Variants in ALDH7A1 observed in about 807,000 individuals in gnomAD.
The protein encoded by ALDH7A1 is aldehyde dehydrogenase 7 family member A1, also known as alpha-aminoadipic semialdehyde dehydrogenase.
In ALDH7A1, 63 loss-of-function variants were observed where a neutral mutation model predicts 79.9. The ratio of observed to expected loss-of-function variants is 0.79; its 90% CI spans 0.64 to 0.97. ALDH7A1 has a LOEUF of 0.97. ALDH7A1 is among the 50% of genes least tolerant of loss of function. The pLI is 0.00. For synonymous variants in ALDH7A1, 240 were observed against 231.2 expected (o/e 1.04, Z -0.34); for missense variants, 627 against 665.2 (o/e 0.94, Z 0.63).
At chr5:126,581,021 T>C (rs1751155805) in intron 5 of ALDH7A1, among the ~76,000 whole-genome samples, 2 of 152,044 alleles carry the variant, frequency 1.3e-5, no homozygotes, top group African/African-American at 2.4e-5. Context: ...ATGGGGTTTC[T>C]CCATGTTGGC....
chr5:126,552,177 T>C, intron 13 of ALDH7A1, 40 bp from the exon 14 acceptor site: 1 of 1,548,012 alleles, frequency 6.5e-7, no homozygotes, highest in Non-Finnish European at 8.9e-7. Flanking sequence ...GAAAGCATTT[T>C]GTTTTCTAGG....
chr5:126,552,096 C>CA lies in ALDH7A1; in HGVS notation c.1241dup (p.Thr415AspfsTer23). The CA allele has an allele frequency of 6.2e-7, 1 of 1,614,068 alleles. No homozygotes were observed. The highest frequency in any genetic ancestry group is 8.5e-7 in the Non-Finnish European group (1 of 1,179,992). ...TGGACGCATCGTGGCCAAGACCTGT[C>CA]ACAATTGTCGGTTCTACATAATTTC... On this transcript the variant is annotated frameshift_variant, in exon 14 of 18. Coordinates refer to ENST00000409134, the MANE Select transcript of ALDH7A1 (RefSeq NM_001182.5). LOFTEE classifies it high-confidence loss of function.
chr5:126,562,504 C>T (rs938007507), intron 9 of ALDH7A1: 3 of 152,222 alleles, frequency 2.0e-5, no homozygotes, highest in African/African-American at 7.2e-5. Flanking sequence ...AGCCACCACA[C>T]CTGGCTTATT....
intron 17 of ALDH7A1, among the ~76,000 whole-genome samples, chr5:126,545,806 G>C (rs1282853420): frequency 1.7e-4 from 25 of 148,524 alleles, no homozygotes. Flanking sequence ...AAAAAAAAAA[G>C]TGTGCCCTCA....
intron 15 of ALDH7A1, 74 bp downstream of exon 15, chr5:126,550,122 T>A: frequency 6.5e-7 from 1 of 1,530,758 alleles, no homozygotes; most frequent in Non-Finnish European, 9.0e-7. Context: ...GATTTTAGAC[T>A]ACAGCAGTTT....
intron 1 of ALDH7A1, 186 bp from the exon 2 acceptor site, chr5:126,593,590 A>G: frequency 1.2e-6 from 1 of 818,424 alleles, no homozygotes; most frequent in East Asian, 2.7e-5. Context: ...TCTGACTTAA[A>G]CATTAGAAAC....
chr5:126,551,479 G>A (rs1369822999), intron 14 of ALDH7A1, among the ~76,000 whole-genome samples: 1 of 151,802 alleles, frequency 6.6e-6, no homozygotes, highest in Admixed American at 6.6e-5. Flanking sequence ...CCAACACCAC[G>A]CCTGGCTAAT....
chr5:126,575,317 T>C, intron 7 of ALDH7A1, 103 bp downstream of exon 7: 2 of 1,084,768 alleles, frequency 1.8e-6, no homozygotes, highest in Non-Finnish European at 1.4e-6. Flanking sequence ...TTATCCAAAT[T>C]CCATGCTATG....
intron 9 of ALDH7A1, among the ~76,000 whole-genome samples, chr5:126,565,334 A>G (rs995704280): frequency 2.2e-5 from 3 of 133,850 alleles, no homozygotes; most frequent in Admixed American, 8.9e-5. Flanking sequence ...CAGAGGTTGC[A>G]GTGAGCCAGG....
At position 126,554,507 on chromosome 5, in the gene ALDH7A1, AG is replaced by A. The variant is rs1750113465; in HGVS notation, c.1094-115del. 4.9e-6 allele frequency: 4 copies of A among 819,538 alleles called. No individual in the cohort carries two copies. In the African/African-American group the frequency reaches 5.0e-5, roughly 10 times the overall value. The allele number at this position is 819,538 out of a possible 1,614,324, so 50.8% of individuals were successfully genotyped here. The stretch of plus-strand genomic sequence containing the variant: ...ATCCCTTCCTATATGCTCTCAATTG[AG>A]AACATAAGTCAGCATCCTTTTTCCA... On this transcript the variant is annotated intron_variant, in intron 12 of 17. Coordinates refer to ENST00000409134, the MANE Select transcript of ALDH7A1 (RefSeq NM_001182.5).
intron 9 of ALDH7A1, among the ~76,000 whole-genome samples, chr5:126,563,563 C>G (rs1750471298): frequency 6.6e-6 from 1 of 150,594 alleles, no homozygotes; most frequent in African/African-American, 2.5e-5. Flanking sequence ...GATCTCGGCT[C>G]ACTGCAAATC....
intron 3 of ALDH7A1, 171 bp downstream of exon 3, chr5:126,592,493 T>C (rs1751584569): frequency 6.2e-6 from 4 of 645,734 alleles, no homozygotes; most frequent in Non-Finnish European, 8.2e-6. Context: ...CCTAGAAATA[T>C]GGCAGAGGTG....
At chr5:126,588,328 C>A (rs1307189365) in intron 3 of ALDH7A1, 1 of 151,216 alleles carries the variant, frequency 6.6e-6, no homozygotes, top group East Asian at 1.9e-4. Flanking sequence ...AAAAAAAAAA[C>A]ATTAGCCGGG....
intron 3 of ALDH7A1, chr5:126,587,695 T>G (rs1415822837): frequency 6.6e-6 from 1 of 151,626 alleles, no homozygotes; most frequent in Non-Finnish European, 1.5e-5. Context: ...AACAGTGGTT[T>G]GTCCTAACAC....
Position 126,542,029 on chromosome 5 carries a change from A to G in ALDH7A1, c.*2936T>C, listed in dbSNP as rs1561643692. 6.6e-6 allele frequency: 1 copy of G among 152,036 alleles called. No individual in the cohort carries two copies. Among genetic ancestry groups the G allele is most frequent in the African/African-American group, 2.4e-5 (1 of 41,414 alleles). The allele number at this position is 152,036 out of a possible 1,614,324, so 9.4% of individuals were successfully genotyped here. On this transcript the variant is annotated 3_prime_UTR_variant, in exon 18 of 18. Transcript: ENST00000409134. ...TTTTAAATCTAGAATCCTATATTCA[A>G]TCAATATGGGGATAAAGTTCTTCCC...
At chr5:126,576,021 G>A (rs1262014092) in intron 6 of ALDH7A1, among the ~76,000 whole-genome samples, 1 of 152,096 alleles carries the variant, frequency 6.6e-6, no homozygotes, top group East Asian at 1.9e-4. Context: ...CAGCACTCTG[G>A]GGGGCCGAGA....
Position 126,575,353 on chromosome 5 carries a change from C to T in ALDH7A1, c.695+67G>A, listed in dbSNP as rs551122954. 6.7e-6 allele frequency: 10 copies of T among 1,481,850 alleles called. No homozygotes were observed. In the Admixed American group the frequency reaches 1.6e-4, roughly 23 times the overall value. The allele number at this position is 1,481,850 out of a possible 1,614,324, so 91.8% of individuals were successfully genotyped here. On this transcript the variant is annotated intron_variant, in intron 7 of 17. Coordinates refer to ENST00000409134, the MANE Select transcript of ALDH7A1 (RefSeq NM_001182.5). ...TGACTCTGACATCAGATTAAAAAGT[C>T]AGGGCCTATCAATAACCCTTTCAAT...
intron 10 of ALDH7A1, among the ~76,000 whole-genome samples, chr5:126,559,818 A>C (rs1350721129): frequency 6.6e-6 from 1 of 152,138 alleles, no homozygotes; most frequent in East Asian, 1.9e-4. Context: ...TATATAGACG[A>C]GGGGGAAAGG....
chr5:126,594,349 C>T (rs958985833), intron 1 of ALDH7A1: 10 of 451,028 alleles, frequency 2.2e-5, no homozygotes, highest in Admixed American at 2.2e-4. Flanking sequence ...GCTGAAGAGC[C>T]AGAGTTAAGC....
Sources: allele counts gnomAD v4.1 joint callset (sites outside exome capture counted in the v4.1 genomes callset), GRCh38; gene constraint gnomAD v4.1.1; transcripts MANE v1.5; gene names NCBI Gene and HGNC (gene_info 2026-07-23, HGNC 2026-07-21).